The following PALLD variants were observed in gnomAD, a reference collection of about 807,000 sequenced individuals.
PALLD encodes palladin, cytoskeletal associated protein, also known as palladin.
PALLD carries 61 observed loss-of-function variants against 123.5 expected under a neutral mutation model. That is an observed-to-expected ratio of 0.49 (90% CI 0.40 to 0.61). The LOEUF (loss-of-function observed/expected upper bound fraction) is 0.61, where lower values mean the gene tolerates loss of function less well. Ranked by LOEUF, PALLD falls within the 20% of genes least tolerant of loss-of-function variation. The pLI, the probability that PALLD is intolerant of heterozygous loss-of-function variation, is 0.00. For missense variants in PALLD, 1,273 were observed against 1,377.0 expected (o/e 0.92, Z 1.20); for synonymous variants, 465 against 496.4 (o/e 0.94, Z 0.84).
chr4:168,821,152 T>C (rs761537051), intron 10 of PALLD, among the ~76,000 whole-genome samples: 3 of 152,170 alleles, frequency 2.0e-5, no homozygotes, highest in Non-Finnish European at 4.4e-5. Flanking sequence ...TGAATCTCCA[T>C]ATAAAGGAAT....
At chr4:168,610,769 C>T (rs1347383699) in intron 2 of PALLD, among the ~76,000 whole-genome samples, 1 of 152,178 alleles carries the variant, frequency 6.6e-6, no homozygotes, top group Non-Finnish European at 1.5e-5. Flanking sequence ...GCTTCAACAT[C>T]CTCCCTCTCA....
chr4:168,672,179 G>A (rs1161551182), intron 3 of PALLD, among the ~76,000 whole-genome samples: 2 of 152,060 alleles, frequency 1.3e-5, no homozygotes, highest in African/African-American at 2.4e-5. Context: ...TACATATTAC[G>A]TATAGTGATC....
chr4:168,739,199 T>A (rs1788080083), intron 10 of PALLD, among the ~76,000 whole-genome samples: 1 of 152,218 alleles, frequency 6.6e-6, no homozygotes, highest in Non-Finnish European at 1.5e-5. Flanking sequence ...GTTAATTCCA[T>A]ATCTTGGCTA....
intron 10 of PALLD, among the ~76,000 whole-genome samples, chr4:168,855,038 A>G (rs1748371833): frequency 6.6e-6 from 1 of 151,950 alleles, no homozygotes; most frequent in African/African-American, 2.4e-5. Flanking sequence ...TGTAAAAATA[A>G]TTTAAACTAA....
At chr4:168,873,458 T>A (rs1441561250) in intron 10 of PALLD, among the ~76,000 whole-genome samples, 2 of 152,234 alleles carry the variant, frequency 1.3e-5, no homozygotes, top group Admixed American at 6.5e-5. Flanking sequence ...TCTAGACAAT[T>A]ACGAATACCC....
intron 2 of PALLD, among the ~76,000 whole-genome samples, chr4:168,654,388 A>G (rs1778354098): frequency 6.6e-6 from 1 of 152,196 alleles, no homozygotes; most frequent in Non-Finnish European, 1.5e-5. Flanking sequence ...TTTAGGGCAT[A>G]CAGGATATAA....
intron 10 of PALLD, 118 bp downstream of exon 10, chr4:168,712,041 G>GT: frequency 1.3e-6 from 1 of 777,008 alleles, no homozygotes; most frequent in African/African-American, 1.7e-5. Context: ...TGACTCATGG[G>GT]ACCTTGCTGC....
intron 10 of PALLD, among the ~76,000 whole-genome samples, chr4:168,806,310 C>T (rs1210204898): frequency 1.3e-5 from 2 of 152,314 alleles, no homozygotes; most frequent in East Asian, 3.9e-4. Flanking sequence ...ATGATCTGCC[C>T]ACCTCCGTCT....
At chr4:168,867,721 T>C (rs1198111239) in intron 10 of PALLD, among the ~76,000 whole-genome samples, 1 of 152,134 alleles carries the variant, frequency 6.6e-6, no homozygotes, top group Admixed American at 6.5e-5. Context: ...GATTAATTTT[T>C]ATATTGTTCG....
rs145473604 is a variant in PALLD, at chr4:168,671,917, C to G, written c.1087+3549C>G. Among the ~76,000 whole-genome samples the G allele has an allele frequency of 4.4e-3, 674 of 152,232 alleles. 4 individuals are homozygous for G. Among genetic ancestry groups the G allele is most frequent in the African/African-American group, 0.016 (655 of 41,530 alleles). On this transcript the variant is annotated intron_variant, in intron 3 of 21. Coordinates refer to ENST00000505667, the MANE Select transcript of PALLD (RefSeq NM_001166108.2). ...AAGCCATCTCTAAAAGTTTAACAAC[C>G]TACAAATTAGAAACTTTCTAAATTC...
chr4:168,733,967 C>T (rs372679325), intron 10 of PALLD, among the ~76,000 whole-genome samples: 2 of 152,196 alleles, frequency 1.3e-5, no homozygotes, highest in South Asian at 2.1e-4. Flanking sequence ...GATCTCCTGA[C>T]CTCGTGATCT....
chr4:168,577,940 G>A (rs1769800224), intron 2 of PALLD, among the ~76,000 whole-genome samples: 1 of 151,962 alleles, frequency 6.6e-6, no homozygotes, highest in Admixed American at 6.6e-5. Context: ...ATGAATGGGG[G>A]CGGGGCGGGG....
chr4:168,681,429 G>A (rs969819658), intron 4 of PALLD, 31 bp downstream of exon 4: 10 of 1,395,404 alleles, frequency 7.2e-6, no homozygotes, highest in Non-Finnish European at 9.2e-6. Flanking sequence ...CGATTATGTG[G>A]AAACAAAGAA....
intron 10 of PALLD, among the ~76,000 whole-genome samples, chr4:168,737,705 A>G (rs1787897873): frequency 6.6e-6 from 1 of 152,150 alleles, no homozygotes; most frequent in Admixed American, 6.5e-5. Context: ...CAAAGAACCT[A>G]TCTTTGTTCC....
At position 168,525,348 on chromosome 4, in the gene PALLD, G is replaced by A. The variant is rs868166147; in HGVS notation, c.908+12936G>A. On this transcript the variant is annotated intron_variant, in intron 2 of 21. Transcript: ENST00000505667. ...GAAGAAATCAAATTAACTTTGGAACGAGAGATTGTCGTCATAGCCTAAAAA... is the reference window on the plus strand; with the variant it reads ...GAAGAAATCAAATTAACTTTGGAACAAGAGATTGTCGTCATAGCCTAAAAA... Among the ~76,000 whole-genome samples the A allele has an allele frequency of 1.4e-4, 21 of 152,362 alleles. No individual in the cohort carries two copies. In the Middle Eastern group the frequency reaches 0.02, roughly 148 times the overall value.
chr4:168,921,562 G>A lies in PALLD; in HGVS notation c.2879G>A (p.Ser960Asn). ...AGTGGGTTACCAACCCCAGATCTAA[G>A]CTGGCAACTAGATGGAAAGCCCGTA... is the stretch of plus-strand genomic sequence containing the variant. ...KVSGLPTPDL[S>N]WQLDGKPVRP... The change falls in exon 18 of 22, where the codon AGC (serine) becomes AAC (asparagine). Residue 960 changes from serine to asparagine, a missense_variant. Physicochemically the swap from Ser to Asn is conservative, Grantham distance 46. Coordinates refer to ENST00000505667, the MANE Select transcript of PALLD (RefSeq NM_001166108.2). 6.2e-7 allele frequency: 1 copy of A among 1,608,044 alleles called. No individual in the cohort carries two copies. The highest frequency in any genetic ancestry group is 8.5e-7 in the Non-Finnish European group (1 of 1,178,486).
intron 10 of PALLD, among the ~76,000 whole-genome samples, chr4:168,745,354 A>C (rs1730122837): frequency 7.0e-6 from 1 of 143,250 alleles, no homozygotes; most frequent in African/African-American, 2.5e-5. Context: ...TTAATACTTC[A>C]TTGGGTACCC....
intron 2 of PALLD, among the ~76,000 whole-genome samples, chr4:168,578,191 A>C (rs1297474276): frequency 1.3e-5 from 2 of 152,044 alleles, no homozygotes; most frequent in African/African-American, 4.8e-5. Context: ...CCATTAAGTT[A>C]GGATTTAAAA....
intron 10 of PALLD, among the ~76,000 whole-genome samples, chr4:168,763,254 GA>G (rs1733199496): frequency 6.6e-6 from 1 of 152,182 alleles, no homozygotes; most frequent in Non-Finnish European, 1.5e-5. Context: ...TTTAATCTAT[GA>G]AATTATTTCA....
Sources: allele counts gnomAD v4.1 joint callset (sites outside exome capture counted in the v4.1 genomes callset), GRCh38; gene constraint gnomAD v4.1.1; transcripts MANE v1.5; gene names NCBI Gene and HGNC (gene_info 2026-07-23, HGNC 2026-07-21).